Variants in ADGRL3 observed in about 807,000 individuals in gnomAD.
The protein encoded by ADGRL3 is adhesion G protein-coupled receptor L3.
A neutral mutation model predicts 153.5 loss-of-function variants in ADGRL3; 62 were observed. The observed-to-expected ratio is 0.40, with a 90% CI of 0.33 to 0.50. ADGRL3 has a LOEUF of 0.50. Among genes scored for constraint, ADGRL3 ranks in the 20% least tolerant of loss-of-function variants. ADGRL3 has a pLI of 0.47. For missense variants in ADGRL3, 1,641 were observed against 1,859.4 expected, an observed-to-expected ratio of 0.88 and a Z score of 2.16; for synonymous variants, 710 against 672.5, an observed-to-expected ratio of 1.06 and a Z score of -0.86.
At position 61,805,254 on chromosome 4, in the gene ADGRL3, C is replaced by T. The variant is rs1016146739; in HGVS notation, c.1400-8555C>T. Among the ~76,000 whole-genome samples the T allele has an allele frequency of 3.3e-5, 5 of 152,208 alleles. No homozygotes were observed. In the East Asian group the frequency reaches 9.7e-4, roughly 30 times the overall value. ...ACCGCGCCTGGCCTGTTTCCTGTGCCTTCAACATGCTTTCTTATTCTGCTT... is the reference window on the plus strand; with the variant it reads ...ACCGCGCCTGGCCTGTTTCCTGTGCTTTCAACATGCTTTCTTATTCTGCTT... On this transcript the variant is annotated intron_variant, in intron 8 of 26. Coordinates refer to ENST00000683033, the MANE Select transcript of ADGRL3 (RefSeq NM_001387552.1).
At position 62,070,113 on chromosome 4, in the gene ADGRL3, G is replaced by A. The variant is rs1366285414; in HGVS notation, c.3837G>A (p.Gly1279=). Residue 1279 remains glycine, a synonymous_variant, in exon 27 of 27, where the codon GGG becomes GGA. Transcript: ENST00000683033. ...GTATCTTGTAATCTTTTTCAGAGGG[G>A]CTTCTGAACAATGCCAGGGATACAA... is the stretch of plus-strand genomic sequence containing the variant. ...LNREPYRETK[G]LLNNARDTSV... 3 of 1,609,856 alleles carry A rather than the reference G, an allele frequency of 1.9e-6. No individual in the cohort carries two copies. The highest frequency in any genetic ancestry group is 2.5e-6 in the Non-Finnish European group (3 of 1,177,484).
chr4:61,261,273 C>T lies in ADGRL3; in HGVS notation c.-240+59508C>T, dbSNP rs541130792. ...TTTCAAACTCCTAGGCTCAAGAGAT[C>T]CTCCTGCTTCAGCCACCCAAAGTTC... On this transcript the variant is annotated intron_variant, in intron 1 of 26. Coordinates refer to ENST00000683033, the MANE Select transcript of ADGRL3 (RefSeq NM_001387552.1). Among the ~76,000 whole-genome samples the T allele has an allele frequency of 7.3e-5, 11 of 150,640 alleles. No individual in the cohort carries two copies. In the East Asian group the frequency reaches 1.8e-3, roughly 24 times the overall value.
In ADGRL3 at chr4:61,419,453, A is replaced by G. The variant is rs1043049772; in HGVS notation, c.-174+36264A>G. On this transcript the variant is annotated intron_variant, in intron 2 of 26. Transcript: ENST00000683033. ...AAGGTGGAAACCCACCCTGGACAGG[A>G]TGTCCATCCATTGCAAGGCACACTC... Among the ~76,000 whole-genome samples the G allele has an allele frequency of 6.9e-4, 102 of 146,948 alleles. 3 individuals carry two copies. Among genetic ancestry groups the G allele is most frequent in the African/African-American group, 2.6e-3 (100 of 38,116 alleles).
At chr4:61,835,709 C>T (rs2097924218) in intron 9 of ADGRL3, among the ~76,000 whole-genome samples, 1 of 151,980 alleles carries the variant, frequency 6.6e-6, no homozygotes, top group South Asian at 2.1e-4. Flanking sequence ...AGACAAGAAA[C>T]CAGAAGCTAT....
In ADGRL3 at chr4:61,974,904, C is replaced by T. The variant is rs1182284980; in HGVS notation, c.2806-4659C>T. ...GAGCTGATGATTTAAGAGGAAGAGT[C>T]CCAAGGACTGTTTAGTGGGCAGCAT... is the stretch of plus-strand genomic sequence containing the variant. On this transcript the variant is annotated intron_variant, in intron 17 of 26. Transcript: ENST00000683033. 7.2e-5 allele frequency among the ~76,000 whole-genome samples: 11 copies of T among 152,134 alleles called. No homozygotes were observed. The South Asian group carries it at 2.3e-3, about 32-fold the overall frequency.
At chr4:61,456,811 T>C (rs975970018) in intron 2 of ADGRL3, among the ~76,000 whole-genome samples, 1 of 151,894 alleles carries the variant, frequency 6.6e-6, no homozygotes, top group African/African-American at 2.4e-5. Context: ...GTCATAAATG[T>C]ATTATGATAT....
chr4:61,927,363 T>A (rs1314921020), intron 13 of ADGRL3, among the ~76,000 whole-genome samples: 5 of 150,358 alleles, frequency 3.3e-5, no homozygotes, highest in South Asian at 4.2e-4. Context: ...AATGCTTTTT[T>A]TTAAAAAAAA....
chr4:61,348,428 A>G (rs1182146261), intron 1 of ADGRL3, among the ~76,000 whole-genome samples: 2 of 152,006 alleles, frequency 1.3e-5, no homozygotes, highest in Non-Finnish European at 2.9e-5. Context: ...AGATCACGTA[A>G]TAAATATTCT....
At chr4:61,884,760 G>A (rs867455773) in intron 9 of ADGRL3, among the ~76,000 whole-genome samples, 1 of 151,856 alleles carries the variant, frequency 6.6e-6, no homozygotes, top group African/African-American at 2.4e-5. Context: ...GAGTATCTGG[G>A]ATTACAGGCG....
intron 1 of ADGRL3, among the ~76,000 whole-genome samples, chr4:61,308,521 C>T (rs1029148170): frequency 6.6e-6 from 1 of 152,152 alleles, no homozygotes; most frequent in Non-Finnish European, 1.5e-5. Flanking sequence ...TATGCCTAAC[C>T]TATTTGTTCA....
chr4:61,369,261 A>C (rs2096470986), intron 1 of ADGRL3, among the ~76,000 whole-genome samples: 2 of 152,176 alleles, frequency 1.3e-5, no homozygotes, highest in Admixed American at 1.3e-4. Flanking sequence ...AACTTCCAAC[A>C]CTATGTTGAA....
At chr4:61,351,351 G>A (rs1236844145) in intron 1 of ADGRL3, among the ~76,000 whole-genome samples, 1 of 152,218 alleles carries the variant, frequency 6.6e-6, no homozygotes, top group East Asian at 1.9e-4. Flanking sequence ...ACAAGGTGAA[G>A]TAGCAAGTGC....
intron 13 of ADGRL3, among the ~76,000 whole-genome samples, chr4:61,916,864 A>T (rs556048413): frequency 5.7e-4 from 86 of 152,088 alleles, no homozygotes; most frequent in African/African-American, 2.0e-3. Flanking sequence ...GAGGCAGGAG[A>T]ATTGCTTAAA....
intron 6 of ADGRL3, among the ~76,000 whole-genome samples, chr4:61,701,054 C>A (rs2095749081): frequency 6.6e-6 from 1 of 152,080 alleles, no homozygotes; most frequent in Admixed American, 6.6e-5. Context: ...ATTTGAGAAT[C>A]ATTTGTATGA....
intron 1 of ADGRL3, among the ~76,000 whole-genome samples, chr4:61,365,152 C>T (rs996987115): frequency 6.6e-6 from 1 of 151,960 alleles, no homozygotes; most frequent in Non-Finnish European, 1.5e-5. Context: ...ACTGCCCAGA[C>T]ATCTCTTTAG....
chr4:61,777,043 T>G (rs1235165724), intron 8 of ADGRL3, among the ~76,000 whole-genome samples: 1 of 152,214 alleles, frequency 6.6e-6, no homozygotes. Flanking sequence ...TGTTTATATT[T>G]GAAAATTTCT....
chr4:61,499,719 GA>G lies in ADGRL3; in HGVS notation c.55+2378del, dbSNP rs571184651. On this transcript the variant is annotated intron_variant, in intron 3 of 26. Coordinates refer to ENST00000683033, the MANE Select transcript of ADGRL3 (RefSeq NM_001387552.1). ...TGATATATTTAATGTTGATACTAAG[GA>G]AAAAAAGAAAAATACCTACATATAT... 7.1e-4 allele frequency among the ~76,000 whole-genome samples: 108 copies of G among 151,120 alleles called. 1 individual carries two copies. Among genetic ancestry groups the G allele is most frequent in the East Asian group, 4.7e-3 (24 of 5,156 alleles).
chr4:61,501,794 G>C (rs1390728657), intron 3 of ADGRL3, among the ~76,000 whole-genome samples: 1 of 152,068 alleles, frequency 6.6e-6, no homozygotes, highest in Non-Finnish European at 1.5e-5. Context: ...TCCATGTTTT[G>C]TATAGAAAAA....
intron 4 of ADGRL3, among the ~76,000 whole-genome samples, chr4:61,532,236 A>G (rs1305079396): frequency 6.6e-6 from 1 of 152,196 alleles, no homozygotes; most frequent in Non-Finnish European, 1.5e-5. Flanking sequence ...TTATAGCCAG[A>G]GCAGCTTTCT....
Sources: allele counts gnomAD v4.1 joint callset (sites outside exome capture counted in the v4.1 genomes callset), GRCh38; gene constraint gnomAD v4.1.1; transcripts MANE v1.5; gene names NCBI Gene and HGNC (gene_info 2026-07-23, HGNC 2026-07-21).